The following CPLX1 variants were observed in gnomAD, a reference collection of about 807,000 sequenced individuals.
The protein encoded by CPLX1 is complexin-1.
A neutral mutation model predicts 15.6 loss-of-function variants in CPLX1; 6 were observed. That is an observed-to-expected ratio of 0.39 (90% confidence interval 0.21 to 0.76). The LOEUF is 0.76. Ranked by LOEUF, CPLX1 falls within the 30% of genes least tolerant of loss-of-function variation. The probability of loss-of-function intolerance (pLI) is 0.43; values close to 1 mark genes in which losing one functional copy is unlikely to be tolerated. For synonymous variants in CPLX1, 91 were observed against 75.2 expected (o/e 1.21, Z -1.08); for missense variants, 242 against 188.6 (o/e 1.28, Z -1.66).
At chr4:822,713 C>G (rs1292893656) in intron 2 of CPLX1, among the ~76,000 whole-genome samples, 1 of 152,180 alleles carries the variant, frequency 6.6e-6, no homozygotes, top group African/African-American at 2.4e-5. Context: ...GAGGTTCCCC[C>G]ATTTCCCATC....
Position 792,606 on chromosome 4 carries a change from C to G in CPLX1, c.34G>C (p.Ala12Pro). The change falls in exon 3 of 4, where the codon GCC (alanine) becomes CCC (proline). Residue 12 changes from alanine to proline, a missense_variant and splice_region_variant. Coordinates refer to ENST00000304062, the MANE Select transcript of CPLX1 (RefSeq NM_006651.4). ...EFVMKQALGG[A>P]TKDMGKMLGG... is the part of the protein sequence containing the mutation. ...AGCATCTTCCCCATGTCCTTGGTGG[C>G]CCCTGGTACAGAAGTTGGTGATTCA... is the stretch of plus-strand genomic sequence containing the variant. The G allele has an allele frequency of 6.2e-7, 1 of 1,611,216 alleles. No homozygotes were observed. Among genetic ancestry groups the G allele is most frequent in the Non-Finnish European group, 8.5e-7 (1 of 1,178,594 alleles).
intron 3 of CPLX1, 151 bp from the exon 4 acceptor site, chr4:786,849 G>T (rs151314325): frequency 9.2e-6 from 9 of 976,398 alleles, no homozygotes; most frequent in Middle Eastern, 5.3e-4. Context: ...AAGGAGAAGA[G>T]ACCCCACCCC....
chr4:809,280 C>T (rs1216841371), intron 2 of CPLX1, among the ~76,000 whole-genome samples: 1 of 152,258 alleles, frequency 6.6e-6, no homozygotes, highest in Non-Finnish European at 1.5e-5. Flanking sequence ...TCCCCAAGGC[C>T]CCTTCAGCCT....
intron 2 of CPLX1, among the ~76,000 whole-genome samples, chr4:794,613 AAGGAC>A (rs997105664): frequency 6.6e-6 from 1 of 152,184 alleles, no homozygotes; most frequent in Non-Finnish European, 1.5e-5. Flanking sequence ...TGGGGGAGGC[AAGGAC>A]AGCCCCCACA....
Position 786,665 on chromosome 4 carries a change from C to T in CPLX1, c.241G>A (p.Glu81Lys). ...GIKKKEEREAEAQAAMEANSE... is the reference protein window; with the variant it reads ...GIKKKEEREAKAQAAMEANSE... The stretch of plus-strand genomic sequence containing the variant: ...TTGGCCTCCATGGCGGCCTGGGCCT[C>T]GGCCTCGCGCTCCTCCTTCTTCTTG... The change falls in exon 4 of 4, where the codon GAG becomes AAG. Residue 81 changes from glutamate to lysine, a missense_variant. By Grantham distance (56) the Glu-to-Lys change is moderately conservative (BLOSUM62 1). Transcript: ENST00000304062. 7.5e-6 allele frequency: 12 copies of T among 1,609,962 alleles called. No individual in the cohort carries two copies. Among genetic ancestry groups the T allele is most frequent in the Non-Finnish European group, 8.5e-6 (10 of 1,178,180 alleles).
intron 2 of CPLX1, among the ~76,000 whole-genome samples, chr4:800,543 CAT>C (rs35588893): frequency 0.12 from 15,853 of 133,028 alleles, 1,550 homozygotes; most frequent in African/African-American, 0.29. Flanking sequence ...CATACACACA[CAT>C]GTATGTATAT....
intron 2 of CPLX1, chr4:792,834 C>A: frequency 1.9e-6 from 1 of 531,388 alleles, no homozygotes; most frequent in Middle Eastern, 4.9e-4. Flanking sequence ...GCTTTGCTTT[C>A]TGTTCCTCAA....
intron 2 of CPLX1, among the ~76,000 whole-genome samples, chr4:822,504 C>T (rs1353278281): frequency 6.6e-6 from 1 of 152,114 alleles, no homozygotes; most frequent in African/African-American, 2.4e-5. Context: ...ACATTCTTGT[C>T]TTTTTCTCTG....
At chr4:803,539 C>T (rs527880075) in intron 2 of CPLX1, among the ~76,000 whole-genome samples, 6 of 151,794 alleles carry the variant, frequency 4.0e-5, no homozygotes, top group South Asian at 2.1e-4. Flanking sequence ...TGCAGGCGTC[C>T]GCCACCGCGC....
chr4:792,608 C>T lies in CPLX1; in HGVS notation c.32G>A (p.Gly11Glu). 4.3e-6 allele frequency: 7 copies of T among 1,611,274 alleles called. No homozygotes were observed. The highest frequency in any genetic ancestry group is 5.1e-6 in the Non-Finnish European group (6 of 1,178,640). MEFVMKQALG[G>E]ATKDMGKMLG... ...CATCTTCCCCATGTCCTTGGTGGCCCCTGGTACAGAAGTTGGTGATTCAGA... is the reference window on the plus strand; with the variant it reads ...CATCTTCCCCATGTCCTTGGTGGCCTCTGGTACAGAAGTTGGTGATTCAGA... Residue 11 changes from glycine to glutamate, a missense_variant and splice_region_variant, in exon 3 of 4, where the codon GGG (glycine) becomes GAG (glutamate). Gly to Glu is a moderately conservative substitution (Grantham distance 98). Transcript: ENST00000304062.
intron 2 of CPLX1, among the ~76,000 whole-genome samples, chr4:818,002 C>T (rs377608742): frequency 7.1e-4 from 108 of 152,384 alleles, no homozygotes; most frequent in African/African-American, 2.5e-3. Context: ...CACTGTCCAC[C>T]TGTCATCCCT....
At chr4:810,216 A>T (rs982457656) in intron 2 of CPLX1, among the ~76,000 whole-genome samples, 1 of 150,262 alleles carries the variant, frequency 6.7e-6, no homozygotes, top group African/African-American at 2.5e-5. Context: ...CGCCCGGCTA[A>T]TTTTTTGTAT....
chr4:792,452 C>T lies in CPLX1; in HGVS notation c.188G>A (p.Arg63His). The T allele has an allele frequency of 6.3e-7, 1 of 1,599,760 alleles. No individual in the cohort carries two copies. Among genetic ancestry groups the T allele is most frequent in the Non-Finnish European group, 8.5e-7 (1 of 1,173,714 alleles). ...AKMEAEREAV[R>H]QGIRDKYGIK... ...GCGCACCTTGTCTCGGATGCCCTGG[C>T]GCACGGCCTCGCGCTCCGCCTCCAT... Residue 63 changes from arginine (R) to histidine (H), a missense_variant, in exon 3 of 4, where the codon CGC (arginine) becomes CAC (histidine). Coordinates refer to ENST00000304062, the MANE Select transcript of CPLX1 (RefSeq NM_006651.4).
intron 1 of CPLX1, among the ~76,000 whole-genome samples, chr4:825,250 G>C (rs1010441845): frequency 2.6e-5 from 4 of 152,178 alleles, no homozygotes; most frequent in African/African-American, 9.6e-5. Context: ...TCCCCTCTTG[G>C]GAAGCCGCTT....
chr4:820,304 A>G (rs980173101), intron 2 of CPLX1, among the ~76,000 whole-genome samples: 2 of 152,214 alleles, frequency 1.3e-5, no homozygotes, highest in Non-Finnish European at 1.5e-5. Flanking sequence ...CAGTGGCCCA[A>G]TGGGGCAGGA....
At chr4:801,207 A>G (rs974727915) in intron 2 of CPLX1, among the ~76,000 whole-genome samples, 8 of 150,472 alleles carry the variant, frequency 5.3e-5, no homozygotes, top group Non-Finnish European at 5.9e-5. Context: ...CTGCAGTCCC[A>G]GCTACTAGGG....
At chr4:795,237 C>T (rs893535445) in intron 2 of CPLX1, among the ~76,000 whole-genome samples, 1 of 152,282 alleles carries the variant, frequency 6.6e-6, no homozygotes, top group African/African-American at 2.4e-5. Flanking sequence ...GAAGCTTGTT[C>T]CTGGCACAGA....
Position 792,366 on chromosome 4 carries a change from G to A in CPLX1, c.207+67C>T, listed in dbSNP as rs546240562. ...TCTTCCGGGCAGCCCCTTCCACCCA[G>A]GCGGGATCTGGGTCCCCGCTGGACT... On this transcript the variant is annotated intron_variant, in intron 3 of 3. Transcript: ENST00000304062. 29 of 1,387,124 alleles carry A rather than the reference G, an allele frequency of 2.1e-5. No homozygotes were observed. In the East Asian group the frequency reaches 4.6e-4, roughly 22 times the overall value. The allele number at this position is 1,387,124 out of a possible 1,614,324, so 85.9% of individuals were successfully genotyped here. A position where few individuals can be genotyped will look rare whatever the true frequency, so the allele number is the denominator to read the frequency against.
chr4:803,621 G>T (rs1199614180), intron 2 of CPLX1, among the ~76,000 whole-genome samples: 1 of 150,760 alleles, frequency 6.6e-6, no homozygotes. Context: ...TCCTGACCTC[G>T]TGATCTGCCC....
Sources: allele counts gnomAD v4.1 joint callset (sites outside exome capture counted in the v4.1 genomes callset), GRCh38; gene constraint gnomAD v4.1.1; transcripts MANE v1.5; gene names NCBI Gene and HGNC (gene_info 2026-07-23, HGNC 2026-07-21).